SMAD5: variants seen among roughly 807,000 people sequenced by gnomAD.
The protein encoded by SMAD5 is SMAD family member 5.
In SMAD5, 9 loss-of-function variants were observed where a neutral mutation model predicts 43.1. The ratio of observed to expected loss-of-function variants is 0.21; its 90% confidence interval spans 0.13 to 0.36. The LOEUF (loss-of-function observed/expected upper bound fraction) is 0.36, where lower values mean the gene tolerates loss of function less well. SMAD5 is among the 10% of genes least tolerant of loss of function. The pLI is 1.00. For missense variants in SMAD5, 348 were observed against 574.0 expected (o/e 0.61, Z 4.02); for synonymous variants, 190 against 192.4 (o/e 0.99, Z 0.10).
intron 2 of SMAD5, among the ~76,000 whole-genome samples, chr5:136,152,324 A>G (rs1423133855): frequency 1.3e-5 from 2 of 152,136 alleles, no homozygotes; most frequent in African/African-American, 4.8e-5. Context: ...GCTATTCACA[A>G]TACATGGGAT....
chr5:136,150,459 A>G (rs192240217), intron 2 of SMAD5, among the ~76,000 whole-genome samples: 16 of 152,090 alleles, frequency 1.1e-4, no homozygotes, highest in Admixed American at 7.2e-4. Flanking sequence ...CAGGTGCTGA[A>G]GACTACTTCT....
intron 5 of SMAD5, among the ~76,000 whole-genome samples, chr5:136,165,875 A>C (rs1305809241): frequency 6.6e-6 from 1 of 151,804 alleles, no homozygotes; most frequent in Non-Finnish European, 1.5e-5. Flanking sequence ...GAATAATACT[A>C]CTGTGGACAT....
chr5:136,174,112 ATGAT>A (rs1754321395), intron 6 of SMAD5, among the ~76,000 whole-genome samples: 1 of 152,026 alleles, frequency 6.6e-6, no homozygotes, highest in South Asian at 2.1e-4. Flanking sequence ...GAGATGATAA[ATGAT>A]TGTTGGGAAA....
At chr5:136,175,120 C>T (rs540974576) in intron 7 of SMAD5, among the ~76,000 whole-genome samples, 1 of 152,266 alleles carries the variant, frequency 6.6e-6, no homozygotes, top group South Asian at 2.1e-4. Context: ...GGGGAAACCC[C>T]TTATAAAACT....
At chr5:136,163,040 T>C (rs896345081) in intron 4 of SMAD5, among the ~76,000 whole-genome samples, 21 of 152,238 alleles carry the variant, frequency 1.4e-4, no homozygotes, top group African/African-American at 4.8e-4. Context: ...CCTTGTATCC[T>C]GGATTACCAG....
rs1754486148 is a variant in SMAD5 at position 136,177,984 on chromosome 5, CT to C, written c.*505del. 1 of 152,436 alleles carries C rather than the reference CT, an allele frequency of 6.6e-6. No individual in the cohort carries two copies. Among genetic ancestry groups the C allele is most frequent in the Non-Finnish European group, 1.5e-5 (1 of 68,540 alleles). 9.4% of individuals were successfully genotyped at this position (152,436 alleles called of 1,614,324 possible). ...GTGTATGGTAGGGGCTTAAAAGAAA[CT>C]ATAAAGTTTTATTTGAATGAACACT... On this transcript the variant is annotated 3_prime_UTR_variant, in exon 8 of 8. Transcript: ENST00000545279.
chr5:136,147,063 T>G (rs1029063573), intron 1 of SMAD5, among the ~76,000 whole-genome samples: 1 of 151,620 alleles, frequency 6.6e-6, no homozygotes, highest in African/African-American at 2.4e-5. Flanking sequence ...GTGAGTATAC[T>G]TAGGAAAAAT....
At position 136,178,528 on chromosome 5, in the gene SMAD5, A is replaced by G. The variant is rs12719482; in HGVS notation, c.*1048A>G. 26,222 of 152,186 alleles carry G rather than the reference A, an allele frequency of 0.17. 2,312 individuals are homozygous for G. The highest frequency in any genetic ancestry group is 0.2 in the Non-Finnish European group (13,306 of 68,000). The allele number at this position is 152,186 out of a possible 1,614,324, so 9.4% of individuals were successfully genotyped here. On this transcript the variant is annotated 3_prime_UTR_variant, in exon 8 of 8. Coordinates refer to ENST00000545279, the MANE Select transcript of SMAD5 (RefSeq NM_005903.7). The stretch of plus-strand genomic sequence containing the variant: ...ACCTAGGTTATAAGACTGTTATTCT[A>G]TAGCTCCAACTTAAGGTGCCTTTTT...
chr5:136,147,028 C>G (rs1297056815), intron 1 of SMAD5, among the ~76,000 whole-genome samples: 1 of 151,302 alleles, frequency 6.6e-6, no homozygotes, highest in African/African-American at 2.4e-5. Context: ...TATAAGCATA[C>G]CATATGTTAA....
intron 1 of SMAD5, chr5:136,134,352 T>A (rs10085013): frequency 0.36 from 54,777 of 152,056 alleles, 10,847 homozygotes; most frequent in African/African-American, 0.54. Context: ...TTGCCCAGAG[T>A]GAATTAGTTT....
chr5:136,172,357 G>C, intron 5 of SMAD5, 77 bp from the exon 6 acceptor site: 1 of 802,504 alleles, frequency 1.2e-6, no homozygotes, highest in South Asian at 2.0e-5. Context: ...TACTTGGGTT[G>C]GGTTAAAAGA....
intron 5 of SMAD5, among the ~76,000 whole-genome samples, chr5:136,165,027 G>T (rs1181110157): frequency 1.3e-5 from 2 of 151,900 alleles, no homozygotes; most frequent in Admixed American, 6.6e-5. Flanking sequence ...TAAATGCCAG[G>T]GTTTATTTCA....
chr5:136,177,526 AT>A lies in SMAD5; in HGVS notation c.*50del. On this transcript the variant is annotated 3_prime_UTR_variant, in exon 8 of 8. Transcript: ENST00000545279. ...TTATATTGTTAGTGGACTTGTTTTAATTTTAGAGAAACTTTGAGTACAGATA... is the reference window on the plus strand; with the variant it reads ...TTATATTGTTAGTGGACTTGTTTTAATTTAGAGAAACTTTGAGTACAGATA... The A allele has an allele frequency of 6.9e-7, 1 of 1,458,778 alleles. No individual in the cohort carries two copies. Among genetic ancestry groups the A allele is most frequent in the Non-Finnish European group, 9.4e-7 (1 of 1,068,866 alleles). The allele number at this position is 1,458,778 out of a possible 1,614,324, so 90.4% of individuals were successfully genotyped here.
intron 1 of SMAD5, chr5:136,134,230 G>A (rs988813938): frequency 2.0e-5 from 3 of 152,644 alleles, no homozygotes; most frequent in Non-Finnish European, 2.9e-5. Flanking sequence ...GATTGAATAG[G>A]TGGAGGTCGT....
intron 1 of SMAD5, among the ~76,000 whole-genome samples, chr5:136,141,124 C>A (rs868433775): frequency 6.6e-6 from 1 of 151,942 alleles, no homozygotes; most frequent in Admixed American, 6.6e-5. Flanking sequence ...ACTTAAATAA[C>A]GATAGAGCTA....
chr5:136,137,482 G>C (rs1314204962), intron 1 of SMAD5, among the ~76,000 whole-genome samples: 1 of 152,118 alleles, frequency 6.6e-6, no homozygotes, highest in Non-Finnish European at 1.5e-5. Context: ...CTTGGGAGGA[G>C]GCTTACATCT....
chr5:136,164,834 A>T (rs1303707860), intron 5 of SMAD5, among the ~76,000 whole-genome samples: 1 of 152,118 alleles, frequency 6.6e-6, no homozygotes, highest in African/African-American at 2.4e-5. Context: ...TTATTTTAGA[A>T]GTTCTATAGT....
intron 5 of SMAD5, 71 bp downstream of exon 5, chr5:136,163,462 A>AGT: frequency 7.8e-7 from 1 of 1,289,618 alleles, no homozygotes; most frequent in African/African-American, 1.5e-5. Flanking sequence ...CTTTTTTAAA[A>AGT]ACAGCTTTAT....
intron 3 of SMAD5, among the ~76,000 whole-genome samples, chr5:136,156,921 A>G (rs900670509): frequency 1.3e-5 from 2 of 151,784 alleles, no homozygotes; most frequent in African/African-American, 2.4e-5. Flanking sequence ...CTCTTGGGGG[A>G]AGGGGCAGAT....
Sources: gnomAD v4.1 joint callset for allele counts (sites outside exome capture counted in the v4.1 genomes callset) on GRCh38, gnomAD v4.1.1 for gene constraint, MANE v1.5 for transcripts, NCBI Gene and HGNC (gene_info 2026-07-23, HGNC 2026-07-21) for gene names.